DDAH1: variants seen among roughly 807,000 people sequenced by gnomAD.
DDAH1 encodes dimethylarginine dimethylaminohydrolase 1, also known as N(G),N(G)-dimethylarginine dimethylaminohydrolase 1.
In DDAH1, 19 loss-of-function variants were observed where a neutral mutation model predicts 28.8. That is an observed-to-expected ratio of 0.66 (90% CI 0.46 to 0.97). The LOEUF (loss-of-function observed/expected upper bound fraction) is 0.97, where lower values mean the gene tolerates loss of function less well. Ranked by LOEUF, DDAH1 falls within the 50% of genes least tolerant of loss-of-function variation. DDAH1 has a pLI of 0.00. For synonymous variants in DDAH1, 153 were observed against 154.4 expected, an observed-to-expected ratio of 0.99 and a Z score of 0.07; for missense variants, 326 against 375.9, an observed-to-expected ratio of 0.87 and a Z score of 1.10.
intron 1 of DDAH1, among the ~76,000 whole-genome samples, chr1:85,366,974 C>T (rs1341704457): frequency 6.6e-6 from 1 of 152,132 alleles, no homozygotes; most frequent in Non-Finnish European, 1.5e-5. Context: ...AGACGTCAGG[C>T]TCTGCTTATT....
intron 4 of DDAH1, among the ~76,000 whole-genome samples, chr1:85,329,707 G>A (rs1216282841): frequency 6.6e-6 from 1 of 152,190 alleles, no homozygotes; most frequent in Non-Finnish European, 1.5e-5. Context: ...TACCTTAGGA[G>A]AAGCTTTTCA....
intron 1 of DDAH1, among the ~76,000 whole-genome samples, chr1:85,500,146 CT>C (rs796887168): frequency 0.039 from 3,862 of 97,944 alleles, 135 homozygotes; most frequent in African/African-American, 0.16. Context: ...TTCTTTCTTT[CT>C]TTTCTTTCTT....
intron 1 of DDAH1, among the ~76,000 whole-genome samples, chr1:85,550,290 T>C (rs771728622): frequency 6.6e-6 from 1 of 152,164 alleles, no homozygotes; most frequent in Non-Finnish European, 1.5e-5. Flanking sequence ...ATTCAATCTA[T>C]ACCAAATCTG....
chr1:85,367,141 T>G (rs529120523), intron 1 of DDAH1, among the ~76,000 whole-genome samples: 133 of 152,208 alleles, frequency 8.7e-4, no homozygotes, highest in African/African-American at 3.0e-3. Flanking sequence ...CAAACCAATC[T>G]GAGTTGAGTT....
chr1:85,529,900 G>T (rs1658024911), intron 1 of DDAH1, among the ~76,000 whole-genome samples: 1 of 145,960 alleles, frequency 6.9e-6, no homozygotes, highest in South Asian at 2.3e-4. Flanking sequence ...CTTGCCCAGT[G>T]TGAAGCAGGT....
At chr1:85,569,633 A>C (rs1659395609) in intron 1 of DDAH1, among the ~76,000 whole-genome samples, 1 of 152,134 alleles carries the variant, frequency 6.6e-6, no homozygotes, top group South Asian at 2.1e-4. Flanking sequence ...CCCAGCTTTC[A>C]GGGCTGCAGC....
intron 1 of DDAH1, among the ~76,000 whole-genome samples, chr1:85,437,774 A>G (rs1654007414): frequency 6.6e-6 from 1 of 152,228 alleles, no homozygotes; most frequent in Non-Finnish European, 1.5e-5. Context: ...TAAACACATA[A>G]GCATAGTTTA....
At chr1:85,403,077 T>C (rs1037257601) in intron 1 of DDAH1, among the ~76,000 whole-genome samples, 3 of 152,020 alleles carry the variant, frequency 2.0e-5, no homozygotes, top group Admixed American at 6.6e-5. Context: ...GGACTGGGAC[T>C]GTCCCTTAGG....
intron 1 of DDAH1, among the ~76,000 whole-genome samples, chr1:85,513,595 C>G (rs756288950): frequency 2.8e-4 from 42 of 152,256 alleles, no homozygotes; most frequent in Non-Finnish European, 3.8e-4. Context: ...AGTTTGCAAT[C>G]TAGTCATCTG....
chr1:85,573,029 T>G (rs1659504444), intron 1 of DDAH1, among the ~76,000 whole-genome samples: 1 of 152,260 alleles, frequency 6.6e-6, no homozygotes, highest in South Asian at 2.1e-4. Context: ...CATTCTATGT[T>G]AATTGCAGTG....
chr1:85,403,022 G>A (rs2100581298), intron 1 of DDAH1, among the ~76,000 whole-genome samples: 1 of 152,106 alleles, frequency 6.6e-6, no homozygotes, highest in African/African-American at 2.4e-5. Flanking sequence ...CCATGGAGGA[G>A]TGTCTGTTCC....
intron 1 of DDAH1, among the ~76,000 whole-genome samples, chr1:85,555,331 C>T (rs780390170): frequency 4.4e-4 from 67 of 152,220 alleles, no homozygotes; most frequent in Non-Finnish European, 7.1e-4. Flanking sequence ...TATCGTCTGT[C>T]AGCCAAGTGT....
chr1:85,334,325 C>G (rs1327996076), intron 4 of DDAH1, among the ~76,000 whole-genome samples: 1 of 152,006 alleles, frequency 6.6e-6, no homozygotes, highest in African/African-American at 2.4e-5. Context: ...ATAAATTACC[C>G]AGTCTTAGAC....
At chr1:85,404,983 C>A (rs1340468934) in intron 1 of DDAH1, among the ~76,000 whole-genome samples, 1 of 152,190 alleles carries the variant, frequency 6.6e-6, no homozygotes, top group African/African-American at 2.4e-5. Flanking sequence ...CCTAGAAAGC[C>A]TGAGTATTAC....
chr1:85,556,606 T>C (rs1658977970), intron 1 of DDAH1, among the ~76,000 whole-genome samples: 4 of 152,200 alleles, frequency 2.6e-5, no homozygotes, highest in Non-Finnish European at 5.9e-5. Flanking sequence ...TGTGTGTGTG[T>C]GTGTTGTTTA....
At chr1:85,433,972 AT>A (rs1442583340) in intron 1 of DDAH1, among the ~76,000 whole-genome samples, 5 of 152,292 alleles carry the variant, frequency 3.3e-5, no homozygotes, top group African/African-American at 1.2e-4. Context: ...ATTCAAAAAA[AT>A]AATTTAACAT....
intron 1 of DDAH1, among the ~76,000 whole-genome samples, chr1:85,462,543 T>C (rs1384625910): frequency 1.3e-5 from 2 of 152,206 alleles, no homozygotes; most frequent in East Asian, 3.8e-4. Flanking sequence ...GAAAAAAATA[T>C]ACAGCAATCC....
At chr1:85,379,990 G>T (rs1477013383) in intron 1 of DDAH1, among the ~76,000 whole-genome samples, 1 of 152,156 alleles carries the variant, frequency 6.6e-6, no homozygotes, top group Non-Finnish European at 1.5e-5. Flanking sequence ...ACACACTGGA[G>T]CCAGAGTAAT....
At chr1:85,550,322 A>G (rs1379851049) in intron 1 of DDAH1, among the ~76,000 whole-genome samples, 1 of 152,166 alleles carries the variant, frequency 6.6e-6, no homozygotes, top group Non-Finnish European at 1.5e-5. Flanking sequence ...TCATCCAAAG[A>G]AAAGCTGAGG....
Sources: gnomAD v4.1 joint callset for allele counts (sites outside exome capture counted in the v4.1 genomes callset) on GRCh38, gnomAD v4.1.1 for gene constraint, MANE v1.5 for transcripts, NCBI Gene and HGNC (gene_info 2026-07-23, HGNC 2026-07-21) for gene names.